Variants in STARD9 observed in about 807,000 individuals in gnomAD.
STARD9 encodes the protein StAR related lipid transfer domain containing 9.
A neutral mutation model predicts 399.8 loss-of-function variants in STARD9; 346 were observed. The ratio of observed to expected loss-of-function variants is 0.87; its 90% confidence interval spans 0.79 to 0.95. STARD9 has a LOEUF of 0.95. STARD9 is among the 40% of genes least tolerant of loss of function. The pLI is 0.00. For synonymous variants in STARD9, 2,203 were observed against 2,143.5 expected, an observed-to-expected ratio of 1.03 and a Z score of -0.77; for missense variants, 5,832 against 5,667.5, an observed-to-expected ratio of 1.03 and a Z score of -0.93.
chr15:42,714,811 C>G (rs562059494), intron 26 of STARD9, among the ~76,000 whole-genome samples: 1 of 151,884 alleles, frequency 6.6e-6, no homozygotes, highest in South Asian at 2.1e-4. Flanking sequence ...CATAAAGGAT[C>G]CATTTTGGTA....
At chr15:42,704,542 A>G (rs1281780356) in intron 26 of STARD9, among the ~76,000 whole-genome samples, 2 of 152,140 alleles carry the variant, frequency 1.3e-5, no homozygotes, top group Non-Finnish European at 2.9e-5. Flanking sequence ...CTGACTGTTG[A>G]GTTCCCTAAG....
intron 3 of STARD9, among the ~76,000 whole-genome samples, chr15:42,589,624 T>A (rs79807285): frequency 5.9e-5 from 9 of 151,460 alleles, no homozygotes; most frequent in Admixed American, 3.3e-4. Flanking sequence ...TTTTTTTTTT[T>A]AAATGGAGTT....
chr15:42,632,743 G>A (rs1211273501), intron 3 of STARD9, among the ~76,000 whole-genome samples: 3 of 152,130 alleles, frequency 2.0e-5, no homozygotes, highest in Non-Finnish European at 4.4e-5. Context: ...TCAAGAGGCC[G>A]AGGCGAGATG....
At chr15:42,675,997 T>G (rs1275073079) in intron 20 of STARD9, 22 bp downstream of exon 20, 1 of 1,515,124 alleles carries the variant, frequency 6.6e-7, no homozygotes, top group African/African-American at 1.4e-5. Flanking sequence ...CTGCTTATAC[T>G]GATGTGGAAC....
At chr15:42,608,356 C>G (rs990567566) in intron 3 of STARD9, among the ~76,000 whole-genome samples, 1 of 152,148 alleles carries the variant, frequency 6.6e-6, no homozygotes, top group Admixed American at 6.5e-5. Flanking sequence ...TAACTAATCT[C>G]TTCAACCAGA....
chr15:42,674,422 G>T lies in STARD9; in HGVS notation c.1498-18G>T. ...GTCCCTTTTAATTCTCATTAAAATG[G>T]CTTTTTTCCCCCTTTAGGAAGGGAC... On this transcript the variant is annotated intron_variant, in intron 16 of 32. Transcript: ENST00000290607. 2 of 1,534,606 alleles carry T rather than the reference G, an allele frequency of 1.3e-6. No individual in the cohort carries two copies. The highest frequency in any genetic ancestry group is 1.7e-6 in the Non-Finnish European group (2 of 1,144,540).
chr15:42,595,874 C>G (rs1038566544), intron 3 of STARD9, among the ~76,000 whole-genome samples: 4 of 152,210 alleles, frequency 2.6e-5, no homozygotes, highest in Non-Finnish European at 5.9e-5. Context: ...GCCAGCAGCA[C>G]AGCTGTTTGG....
rs2060514970 is a variant in STARD9, at chr15:42,684,956, A to G, written c.3378A>G (p.Pro1126=). ...YAKALIEPLK[P]EERKWDFPEP... ...AAGCCCTGATAGAGCCACTGAAGCC[A>G]GAGGAGAGGAAATGGGATTTCCCAG... Residue 1126 remains proline (P), a synonymous_variant, in exon 23 of 33, where the codon CCA becomes CCG. Transcript: ENST00000290607. The G allele has an allele frequency of 6.5e-7, 1 of 1,537,062 alleles. No homozygotes were observed. The highest frequency in any genetic ancestry group is 8.7e-7 in the Non-Finnish European group (1 of 1,146,920).
intron 3 of STARD9, among the ~76,000 whole-genome samples, chr15:42,627,236 C>T (rs764282583): frequency 5.9e-5 from 9 of 152,006 alleles, no homozygotes; most frequent in Non-Finnish European, 8.8e-5. Context: ...GTTGAGGCTG[C>T]AGTAAGCTGT....
chr15:42,626,839 G>A (rs2059236590), intron 3 of STARD9, among the ~76,000 whole-genome samples: 1 of 151,234 alleles, frequency 6.6e-6, no homozygotes, highest in African/African-American at 2.4e-5. Flanking sequence ...TTATGTGAGG[G>A]TTTTTGATAT....
rs1595782901 is a variant in STARD9, at chr15:42,690,705, G to C, written c.9127G>C (p.Glu3043Gln). Residue 3043 changes from glutamate (E) to glutamine (Q), a missense_variant, in exon 23 of 33, where the codon GAG becomes CAG. Physicochemically the swap from Glu to Gln is conservative, Grantham distance 29. Coordinates refer to ENST00000290607, the MANE Select transcript of STARD9 (RefSeq NM_020759.3). ...TAGGCTAACAGAGAGCAGCACTTGTGAGCCTTCTACTGTGGCTGCTGTCCT... is the reference window on the plus strand; with the variant it reads ...TAGGCTAACAGAGAGCAGCACTTGTCAGCCTTCTACTGTGGCTGCTGTCCT... The part of the protein sequence containing the change: ...EFRLTESSTC[E>Q]PSTVAAVLSR... The C allele has an allele frequency of 1.3e-6, 2 of 1,537,254 alleles. No individual in the cohort carries two copies.
At chr15:42,710,890 G>GCTCTCTCTCT (rs34768575) in intron 26 of STARD9, among the ~76,000 whole-genome samples, 2 of 133,712 alleles carry the variant, frequency 1.5e-5, no homozygotes, top group Admixed American at 7.1e-5. Context: ...TCACTTGTGC[G>GCTCTCTCTCT]CTCTCTCTCT....
chr15:42,575,805 T>A (rs1566844022), intron 1 of STARD9, 43 bp downstream of exon 1: 28 of 1,530,844 alleles, frequency 1.8e-5, no homozygotes, highest in Non-Finnish European at 2.3e-5. Context: ...TCACAGGAGC[T>A]GAAAAGAGCG....
At chr15:42,639,893 A>C (rs2059499671) in intron 7 of STARD9, among the ~76,000 whole-genome samples, 2 of 151,750 alleles carry the variant, frequency 1.3e-5, no homozygotes, top group South Asian at 4.2e-4. Context: ...TGTATATTTT[A>C]TGTTCCTGTA....
chr15:42,685,347 A>T lies in STARD9; in HGVS notation c.3769A>T (p.Ile1257Phe). The T allele has an allele frequency of 6.5e-7, 1 of 1,537,300 alleles. No homozygotes were observed. The highest frequency in any genetic ancestry group is 8.7e-7 in the Non-Finnish European group (1 of 1,146,930). The change falls in exon 23 of 33, where the codon ATC becomes TTC. Residue 1257 changes from isoleucine to phenylalanine, a missense_variant. Around this residue, in one of 2 missense-constraint regions of STARD9, gnomAD observed 5,828 missense variants for 5,651.1 expected, o/e 1.03. Coordinates refer to ENST00000290607, the MANE Select transcript of STARD9 (RefSeq NM_020759.3). Reference sequence around the variant, plus strand: ...AGAGGCAATATGCAGGCTTGGTCCCATCAACTACAGAACAGCAGCTAGGCT... The same window carrying T: ...AGAGGCAATATGCAGGCTTGGTCCCTTCAACTACAGAACAGCAGCTAGGCT... Reference protein sequence around the residue: ...DQEAICRLGPINYRTAARLDA... With the variant: ...DQEAICRLGPFNYRTAARLDA...
chr15:42,621,558 A>G (rs1311233882), intron 3 of STARD9, among the ~76,000 whole-genome samples: 1 of 152,268 alleles, frequency 6.6e-6, no homozygotes, highest in Non-Finnish European at 1.5e-5. Flanking sequence ...TGACATACAG[A>G]AAACAGAGGG....
At chr15:42,585,378 A>G in intron 2 of STARD9, 143 bp from the exon 3 acceptor site, 1 of 545,456 alleles carries the variant, frequency 1.8e-6, no homozygotes, top group Non-Finnish European at 3.3e-6. Flanking sequence ...GAGAAAGATT[A>G]CCTTTTCTTT....
chr15:42,644,162 A>G (rs1418041178), intron 7 of STARD9, among the ~76,000 whole-genome samples: 1 of 152,244 alleles, frequency 6.6e-6, no homozygotes, highest in Non-Finnish European at 1.5e-5. Context: ...TATTTATGCT[A>G]TATTTTATTA....
chr15:42,682,185 AACT>A lies in STARD9; in HGVS notation c.2148_2150del (p.Glu716_Leu717delinsAsp). 1 of 1,537,226 alleles carries A rather than the reference AACT, an allele frequency of 6.5e-7. No individual in the cohort carries two copies. The highest frequency in any genetic ancestry group is 8.7e-7 in the Non-Finnish European group (1 of 1,146,888). On this transcript the variant is annotated inframe_deletion, in exon 22 of 33. Transcript: ENST00000290607. ...CAAGAAGACCAGGTAGCAGAGAAAG[AACT>A]TGAGGCATCTGTGGCACTTGATGCT...
Sources: allele counts gnomAD v4.1 joint callset (sites outside exome capture counted in the v4.1 genomes callset), GRCh38; gene constraint gnomAD v4.1.1; regional missense constraint gnomAD v4.1.1; transcripts MANE v1.5; gene names NCBI Gene and HGNC (gene_info 2026-07-23, HGNC 2026-07-21).